The following EMCN variants were observed in gnomAD, a reference collection of about 807,000 sequenced individuals.
The protein encoded by EMCN is MUC-14.
Under a neutral mutation model 38.4 loss-of-function variants are expected in EMCN, and 37 were observed. The observed-to-expected ratio is 0.96, with a 90% CI of 0.74 to 1.27. The LOEUF (loss-of-function observed/expected upper bound fraction) is 1.27, where lower values mean the gene tolerates loss of function less well. Among genes scored for constraint, EMCN ranks in the 50% most tolerant of loss-of-function variants. The pLI is 0.00. For synonymous variants in EMCN, 95 were observed against 100.8 expected (o/e 0.94, Z 0.35); for missense variants, 318 against 302.8 (o/e 1.05, Z -0.37).
chr4:100,437,303 C>A (rs1033689347), intron 5 of EMCN, among the ~76,000 whole-genome samples: 1 of 151,570 alleles, frequency 6.6e-6, no homozygotes, highest in African/African-American at 2.4e-5. Context: ...TGCATCTTAA[C>A]CCCTTATCAG....
At chr4:100,464,712 A>C (rs1224198290) in intron 4 of EMCN, among the ~76,000 whole-genome samples, 1 of 152,046 alleles carries the variant, frequency 6.6e-6, no homozygotes, top group African/African-American at 2.4e-5. Context: ...TTCTGGGATA[A>C]ATCTGACTTG....
intron 11 of EMCN, among the ~76,000 whole-genome samples, chr4:100,400,458 T>C (rs1316395369): frequency 6.6e-6 from 1 of 152,118 alleles, no homozygotes; most frequent in Non-Finnish European, 1.5e-5. Context: ...TGTCTGTCTT[T>C]ACATAACACT....
At chr4:100,423,880 G>T (rs1438692035) in intron 5 of EMCN, among the ~76,000 whole-genome samples, 1 of 152,032 alleles carries the variant, frequency 6.6e-6, no homozygotes, top group East Asian at 1.9e-4. Flanking sequence ...GCTTTGGTTA[G>T]AAGAATTGAG....
At chr4:100,417,231 C>T (rs574237523) in intron 8 of EMCN, 90 bp from the exon 9 acceptor site, 3 of 1,104,410 alleles carry the variant, frequency 2.7e-6, no homozygotes, top group South Asian at 2.5e-5. Flanking sequence ...ACCTGCTGTC[C>T]ACTCTTTTCT....
intron 5 of EMCN, among the ~76,000 whole-genome samples, chr4:100,435,612 AC>A (rs1470454460): frequency 2.0e-5 from 3 of 152,204 alleles, no homozygotes; most frequent in Non-Finnish European, 4.4e-5. Context: ...GCATCACCCT[AC>A]CTGACTTCAA....
chr4:100,454,516 A>G (rs1727954890), intron 4 of EMCN, among the ~76,000 whole-genome samples: 1 of 152,144 alleles, frequency 6.6e-6, no homozygotes, highest in African/African-American at 2.4e-5. Context: ...CCTACTCCCA[A>G]AAGATAGGCA....
At chr4:100,496,101 A>G (rs1436440264) in intron 1 of EMCN, among the ~76,000 whole-genome samples, 1 of 152,096 alleles carries the variant, frequency 6.6e-6, no homozygotes, top group Non-Finnish European at 1.5e-5. Flanking sequence ...GTAGTGTTCA[A>G]TGCTGAATAA....
intron 1 of EMCN, chr4:100,486,841 G>A (rs577944917): frequency 1.0e-6 from 1 of 985,050 alleles, no homozygotes; most frequent in South Asian, 4.7e-5. Context: ...AGGTGTACAA[G>A]GTAAATTGCC....
chr4:100,483,190 G>T (rs1474960764), intron 1 of EMCN, among the ~76,000 whole-genome samples: 1 of 152,040 alleles, frequency 6.6e-6, no homozygotes, highest in East Asian at 1.9e-4. Flanking sequence ...GACACAAAGA[G>T]GCTCATATTC....
intron 10 of EMCN, among the ~76,000 whole-genome samples, chr4:100,411,423 T>C (rs1199244423): frequency 2.0e-5 from 3 of 152,222 alleles, no homozygotes; most frequent in African/African-American, 4.8e-5. Context: ...CCAGAAGTCA[T>C]GCAAAGCAAG....
intron 1 of EMCN, among the ~76,000 whole-genome samples, chr4:100,506,920 C>A (rs1729494162): frequency 6.6e-6 from 1 of 152,158 alleles, no homozygotes; most frequent in Admixed American, 6.5e-5. Flanking sequence ...ATAGCTTCTG[C>A]ATTTTTTTCA....
At chr4:100,507,239 T>C (rs1729503568) in intron 1 of EMCN, among the ~76,000 whole-genome samples, 1 of 152,188 alleles carries the variant, frequency 6.6e-6, no homozygotes, top group South Asian at 2.1e-4. Flanking sequence ...GAAGGGCGCC[T>C]CTTTGCGAGG....
intron 1 of EMCN, among the ~76,000 whole-genome samples, chr4:100,516,373 C>T (rs948581959): frequency 6.6e-6 from 1 of 151,810 alleles, no homozygotes; most frequent in Non-Finnish European, 1.5e-5. Context: ...TTGCACTCGT[C>T]GATGCTTGCA....
At chr4:100,431,465 C>A (rs558458643) in intron 5 of EMCN, among the ~76,000 whole-genome samples, 71 of 152,242 alleles carry the variant, frequency 4.7e-4, no homozygotes, top group African/African-American at 1.7e-3. Flanking sequence ...CAGTTGAAAC[C>A]CTGGGTAGAA....
chr4:100,441,390 G>A (rs1379477826), intron 5 of EMCN, among the ~76,000 whole-genome samples: 1 of 152,110 alleles, frequency 6.6e-6, no homozygotes, highest in Non-Finnish European at 1.5e-5. Context: ...TTCAGCCTAT[G>A]TGTCCTTAAA....
chr4:100,448,830 C>CCTTCCTTCTTT, intron 4 of EMCN, among the ~76,000 whole-genome samples: 1 of 141,368 alleles, frequency 7.1e-6, no homozygotes, highest in East Asian at 2.1e-4. Context: ...CTTCCTCCCT[C>CCTTCCTTCTTT]CCTCCCTCCC....
chr4:100,398,492 C>G (rs1413210067), intron 11 of EMCN, 119 bp from the exon 12 acceptor site: 1 of 152,018 alleles, frequency 6.6e-6, no homozygotes, highest in Non-Finnish European at 1.5e-5. Context: ...GTCACTAGCT[C>G]CATTTTTTCC....
intron 11 of EMCN, among the ~76,000 whole-genome samples, chr4:100,401,064 C>T (rs866224829): frequency 5.9e-5 from 9 of 151,870 alleles, no homozygotes; most frequent in African/African-American, 1.7e-4. Flanking sequence ...ACACTACTGA[C>T]AACAATTTAT....
chr4:100,502,492 C>A (rs1162032738), intron 1 of EMCN, among the ~76,000 whole-genome samples: 1 of 152,102 alleles, frequency 6.6e-6, no homozygotes, highest in East Asian at 1.9e-4. Context: ...ACTGCCTAAA[C>A]AATTTCTTTT....
Sources: gnomAD v4.1 joint callset for allele counts (sites outside exome capture counted in the v4.1 genomes callset) on GRCh38, gnomAD v4.1.1 for gene constraint, MANE v1.5 for transcripts, NCBI Gene and HGNC (gene_info 2026-07-23, HGNC 2026-07-21) for gene names.